NKAIN2: variants seen among roughly 807,000 people sequenced by gnomAD.
The protein encoded by NKAIN2 is sodium/potassium transporting ATPase interacting 2, also known as sodium/potassium-transporting ATPase subunit beta-1-interacting protein 2.
A neutral mutation model predicts 32.6 loss-of-function variants in NKAIN2; 14 were observed. The ratio of observed to expected loss-of-function variants is 0.43; its 90% confidence interval spans 0.28 to 0.67. NKAIN2 has a LOEUF of 0.67. NKAIN2 is among the 30% of genes least tolerant of loss of function. The pLI, the probability that NKAIN2 is intolerant of heterozygous loss-of-function variation, is 0.17. For missense variants in NKAIN2, 198 were observed against 258.3 expected, an observed-to-expected ratio of 0.77 and a Z score of 1.60; for synonymous variants, 80 against 87.2, an observed-to-expected ratio of 0.92 and a Z score of 0.46.
At chr6:124,790,032 T>A (rs1779674053) in intron 4 of NKAIN2, among the ~76,000 whole-genome samples, 1 of 152,030 alleles carries the variant, frequency 6.6e-6, no homozygotes. Context: ...TCTTCTTCCT[T>A]CAACTCTGCC....
intron 1 of NKAIN2, among the ~76,000 whole-genome samples, chr6:124,099,020 G>C (rs1375434435): frequency 6.6e-6 from 1 of 152,054 alleles, no homozygotes; most frequent in Non-Finnish European, 1.5e-5. Flanking sequence ...CTGTCATAAA[G>C]ACAAACTGAA....
chr6:124,270,893 T>TAGCTTG (rs1794730390), intron 1 of NKAIN2, among the ~76,000 whole-genome samples: 1 of 152,020 alleles, frequency 6.6e-6, no homozygotes, highest in Non-Finnish European at 1.5e-5. Context: ...CCTTCTTGGG[T>TAGCTTG]GTTTTGAAAA....
At chr6:124,139,146 T>C (rs1309423258) in intron 1 of NKAIN2, among the ~76,000 whole-genome samples, 1 of 131,374 alleles carries the variant, frequency 7.6e-6, no homozygotes, top group Non-Finnish European at 1.5e-5. Flanking sequence ...CGGACTGCAG[T>C]GGCGCAATCT....
chr6:124,457,061 T>C (rs1776350747), intron 3 of NKAIN2, among the ~76,000 whole-genome samples: 2 of 151,876 alleles, frequency 1.3e-5, no homozygotes, highest in African/African-American at 4.8e-5. Flanking sequence ...TGGATCAGGG[T>C]AAGTTGCAAC....
At chr6:124,487,117 C>T (rs1333430809) in intron 3 of NKAIN2, among the ~76,000 whole-genome samples, 1 of 151,878 alleles carries the variant, frequency 6.6e-6, no homozygotes, top group African/African-American at 2.4e-5. Context: ...AACTTAATGT[C>T]CATTTTCATT....
intron 1 of NKAIN2, among the ~76,000 whole-genome samples, chr6:123,962,759 G>A (rs1020232766): frequency 5.3e-5 from 8 of 152,166 alleles, no homozygotes; most frequent in Non-Finnish European, 7.3e-5. Context: ...GATCATCCAC[G>A]TGAGCTTGTG....
intron 4 of NKAIN2, among the ~76,000 whole-genome samples, chr6:124,719,147 A>G (rs537751407): frequency 1.3e-3 from 193 of 152,166 alleles, no homozygotes; most frequent in Non-Finnish European, 2.5e-3. Flanking sequence ...GTTTTTTTCC[A>G]TAATATTCTT....
At chr6:124,240,695 C>A (rs1037427978) in intron 1 of NKAIN2, among the ~76,000 whole-genome samples, 1 of 151,954 alleles carries the variant, frequency 6.6e-6, no homozygotes, top group South Asian at 2.1e-4. Flanking sequence ...AAATTAAACA[C>A]CCCTTCATGC....
intron 4 of NKAIN2, among the ~76,000 whole-genome samples, chr6:124,672,236 A>G (rs1322381539): frequency 1.3e-5 from 2 of 152,088 alleles, no homozygotes; most frequent in Non-Finnish European, 2.9e-5. Flanking sequence ...TGAGCCGGGA[A>G]GCAAAGTTGC....
At chr6:123,856,765 A>G (rs1293701732) in intron 1 of NKAIN2, among the ~76,000 whole-genome samples, 3 of 152,194 alleles carry the variant, frequency 2.0e-5, no homozygotes, top group East Asian at 3.8e-4. Context: ...TGGGAGGTGG[A>G]GCCGGCCTCT....
chr6:124,251,935 G>T (rs1050215200), intron 1 of NKAIN2, among the ~76,000 whole-genome samples: 7 of 151,930 alleles, frequency 4.6e-5, no homozygotes, highest in African/African-American at 1.4e-4. Flanking sequence ...CCAACACAAA[G>T]AAATGTTAAA....
intron 4 of NKAIN2, among the ~76,000 whole-genome samples, chr6:124,677,626 G>A (rs1052529790): frequency 1.3e-5 from 2 of 151,996 alleles, no homozygotes; most frequent in Non-Finnish European, 2.9e-5. Context: ...TACACATTAT[G>A]TTACTGATGT....
Position 124,702,950 on chromosome 6 carries a change from A to G in NKAIN2, c.474+44564A>G, listed in dbSNP as rs553460649. On this transcript the variant is annotated intron_variant, in intron 4 of 6. Coordinates refer to ENST00000368417, the MANE Select transcript of NKAIN2 (RefSeq NM_001040214.3). ...CTCACTGCTTTATTCACATGATAAC[A>G]TTTTTATTTGAAAACAAATTAAAAG... 3.3e-5 allele frequency among the ~76,000 whole-genome samples: 5 copies of G among 152,216 alleles called. No individual in the cohort carries two copies. The South Asian group carries it at 1.0e-3, about 32-fold the overall frequency.
chr6:124,806,688 A>G (rs1022617224), intron 5 of NKAIN2, among the ~76,000 whole-genome samples: 2 of 152,168 alleles, frequency 1.3e-5, no homozygotes, highest in Non-Finnish European at 2.9e-5. Context: ...AAAGACACAG[A>G]CTGGCAAATT....
At chr6:124,658,842 T>C in intron 4 of NKAIN2, 1 of 186,820 alleles carries the variant, frequency 5.4e-6, no homozygotes, top group South Asian at 1.7e-4. Flanking sequence ...CCTAGATTTC[T>C]CCCAGGCACC....
intron 1 of NKAIN2, among the ~76,000 whole-genome samples, chr6:123,850,504 G>A (rs1171927190): frequency 6.6e-6 from 1 of 152,042 alleles, no homozygotes; most frequent in African/African-American, 2.4e-5. Flanking sequence ...TTTTATCTAT[G>A]TTCTTGTGGG....
chr6:123,854,750 T>A (rs1371584102), intron 1 of NKAIN2, among the ~76,000 whole-genome samples: 1 of 152,134 alleles, frequency 6.6e-6, no homozygotes, highest in Non-Finnish European at 1.5e-5. Flanking sequence ...AAGGTGAAGC[T>A]CTGTAGTCTG....
intron 1 of NKAIN2, among the ~76,000 whole-genome samples, chr6:124,235,822 C>T (rs542112584): frequency 1.3e-5 from 2 of 152,186 alleles, no homozygotes; most frequent in South Asian, 4.1e-4. Flanking sequence ...TGTTCTCAAA[C>T]TCCTGACCTC....
At chr6:124,069,545 G>A (rs1783341951) in intron 1 of NKAIN2, among the ~76,000 whole-genome samples, 1 of 152,122 alleles carries the variant, frequency 6.6e-6, no homozygotes, top group Non-Finnish European at 1.5e-5. Context: ...GTGTAGTCCA[G>A]AGGAGCACAG....
Sources: allele counts gnomAD v4.1 joint callset (sites outside exome capture counted in the v4.1 genomes callset), GRCh38; gene constraint gnomAD v4.1.1; transcripts MANE v1.5; gene names NCBI Gene and HGNC (gene_info 2026-07-23, HGNC 2026-07-21).